CADPS: variants seen among roughly 807,000 people sequenced by gnomAD.
CADPS encodes the protein calcium-dependent secretion activator 1.
A neutral mutation model predicts 167.3 loss-of-function variants in CADPS; 57 were observed. The ratio of observed to expected loss-of-function variants is 0.34; its 90% CI spans 0.28 to 0.42. CADPS has a LOEUF of 0.42. CADPS is among the 20% of genes least tolerant of loss of function. The pLI, the probability that CADPS is intolerant of heterozygous loss-of-function variation, is 1.00. For synonymous variants in CADPS, 676 were observed against 635.3 expected (o/e 1.06, Z -0.96); for missense variants, 1,414 against 1,738.1 (o/e 0.81, Z 3.32).
intron 2 of CADPS, among the ~76,000 whole-genome samples, chr3:62,763,753 G>C (rs558370175): frequency 1.2e-4 from 19 of 152,288 alleles, no homozygotes; most frequent in African/African-American, 4.6e-4. Context: ...CCCTGGAAAA[G>C]TGAATCTAAG....
At chr3:62,649,006 C>T (rs1431135513) in intron 5 of CADPS, among the ~76,000 whole-genome samples, 1 of 152,194 alleles carries the variant, frequency 6.6e-6, no homozygotes, top group African/African-American at 2.4e-5. Flanking sequence ...TGAGTATCTC[C>T]ATCCAAACTT....
At chr3:62,819,381 G>A (rs965763186) in intron 1 of CADPS, among the ~76,000 whole-genome samples, 1 of 150,740 alleles carries the variant, frequency 6.6e-6, no homozygotes, top group African/African-American at 2.4e-5. Flanking sequence ...TTTGGGGTAA[G>A]GTTTAAAGCA....
chr3:62,547,588 C>T lies in CADPS; in HGVS notation c.1966+2315G>A, dbSNP rs113869286. 4.6e-4 allele frequency among the ~76,000 whole-genome samples: 28 copies of T among 60,730 alleles called. 3 individuals carry two copies. Among genetic ancestry groups the T allele is most frequent in the South Asian group, 4.3e-3 (5 of 1,160 alleles). The allele number at this position is 60,730 out of a possible 152,430, so 39.8% of individuals were successfully genotyped here. A position where few individuals can be genotyped will look rare whatever the true frequency, so the allele number is the denominator to read the frequency against. On this transcript the variant is annotated intron_variant, in intron 11 of 29. Transcript: ENST00000383710. ...TCCCTAGGGATGATATCATTTACGC[C>T]CCCCCCCCCCCGCAAATTCTAACTC...
chr3:62,845,054 A>T (rs2077192124), intron 1 of CADPS, among the ~76,000 whole-genome samples: 1 of 152,168 alleles, frequency 6.6e-6, no homozygotes, highest in Non-Finnish European at 1.5e-5. Context: ...TTTTAGCTCT[A>T]CCTTTAGCTC....
chr3:62,657,767 G>A (rs1054587287), intron 4 of CADPS, among the ~76,000 whole-genome samples: 2 of 152,144 alleles, frequency 1.3e-5, no homozygotes, highest in African/African-American at 2.4e-5. Context: ...ACACTGCAAG[G>A]TTGTGGGTAA....
chr3:62,498,341 T>C (rs1157478076), intron 18 of CADPS, among the ~76,000 whole-genome samples: 1 of 152,214 alleles, frequency 6.6e-6, no homozygotes, highest in Non-Finnish European at 1.5e-5. Flanking sequence ...TTAGGAAATG[T>C]CATTTTTCCC....
intron 1 of CADPS, among the ~76,000 whole-genome samples, chr3:62,799,966 G>T (rs1277134604): frequency 6.6e-6 from 1 of 152,142 alleles, no homozygotes; most frequent in Non-Finnish European, 1.5e-5. Context: ...TCCTGACTAG[G>T]ATAATAAGGA....
chr3:62,512,172 T>A (rs1400336820), intron 17 of CADPS, among the ~76,000 whole-genome samples: 1 of 152,136 alleles, frequency 6.6e-6, no homozygotes, highest in Non-Finnish European at 1.5e-5. Context: ...CAAAATAAGA[T>A]CAGAAGTTTT....
intron 1 of CADPS, chr3:62,796,535 C>T (rs1356187018): frequency 2.6e-5 from 4 of 152,124 alleles, no homozygotes; most frequent in African/African-American, 9.7e-5. Flanking sequence ...GAAGGAGTTA[C>T]ATAAGAAGAC....
rs2075660262 is a variant in CADPS at position 62,834,780 on chromosome 3, T to C, written c.441+39809A>G. ...TTTCCCTGGAGGCATCAAAATTGTA[T>C]TTAATTCTAGGTCCAGCCAAGTGAA... is the stretch of plus-strand genomic sequence containing the variant. On this transcript the variant is annotated intron_variant, in intron 1 of 29. Transcript: ENST00000383710. Among the ~76,000 whole-genome samples the C allele has an allele frequency of 2.0e-5, 3 of 152,326 alleles. No individual in the cohort carries two copies. The South Asian group carries it at 6.2e-4, about 32-fold the overall frequency.
chr3:62,857,386 T>G (rs1327404576), intron 1 of CADPS, among the ~76,000 whole-genome samples: 1 of 152,000 alleles, frequency 6.6e-6, no homozygotes, highest in Non-Finnish European at 1.5e-5. Context: ...ATTCTTAATA[T>G]TAAAGACACA....
intron 10 of CADPS, among the ~76,000 whole-genome samples, chr3:62,555,146 T>C (rs978356477): frequency 6.6e-6 from 1 of 152,190 alleles, no homozygotes; most frequent in African/African-American, 2.4e-5. Flanking sequence ...ACTTGGGGAA[T>C]AAATAGGACT....
At chr3:62,634,363 A>G (rs1411945573) in intron 6 of CADPS, among the ~76,000 whole-genome samples, 1 of 152,170 alleles carries the variant, frequency 6.6e-6, no homozygotes, top group Non-Finnish European at 1.5e-5. Context: ...TTAATGAACA[A>G]TTTTTACATG....
chr3:62,456,694 C>T (rs916417121), intron 26 of CADPS, among the ~76,000 whole-genome samples: 1 of 151,156 alleles, frequency 6.6e-6, no homozygotes, highest in Non-Finnish European at 1.5e-5. Flanking sequence ...TTGGGATATA[C>T]TCAGTGGTAT....
chr3:62,799,360 C>A (rs994267564), intron 1 of CADPS, among the ~76,000 whole-genome samples: 1 of 152,104 alleles, frequency 6.6e-6, no homozygotes, highest in Non-Finnish European at 1.5e-5. Flanking sequence ...AGGCAGACTA[C>A]CTAGATTCAA....
At chr3:62,768,241 AG>A (rs1465896951) in intron 1 of CADPS, among the ~76,000 whole-genome samples, 1 of 152,180 alleles carries the variant, frequency 6.6e-6, no homozygotes, top group African/African-American at 2.4e-5. Context: ...TATTTTAAGC[AG>A]GCCAGCTTTA....
chr3:62,459,425 C>T (rs1392831208), intron 26 of CADPS, among the ~76,000 whole-genome samples: 1 of 152,200 alleles, frequency 6.6e-6, no homozygotes, highest in Non-Finnish European at 1.5e-5. Flanking sequence ...TCTTTAACTC[C>T]ATGCCTGTCA....
At chr3:62,505,698 CAA>C (rs2066552125) in intron 17 of CADPS, among the ~76,000 whole-genome samples, 1 of 152,218 alleles carries the variant, frequency 6.6e-6, no homozygotes, top group South Asian at 2.1e-4. Context: ...TATGCCATAA[CAA>C]GAGAGTGCCA....
chr3:62,660,961 A>T (rs1409644962), intron 4 of CADPS, among the ~76,000 whole-genome samples: 1 of 152,166 alleles, frequency 6.6e-6, no homozygotes, highest in African/African-American at 2.4e-5. Context: ...AGCAGGTTCA[A>T]CCTGGACTTC....
Sources: allele counts gnomAD v4.1 joint callset (sites outside exome capture counted in the v4.1 genomes callset), GRCh38; gene constraint gnomAD v4.1.1; transcripts MANE v1.5; gene names NCBI Gene and HGNC (gene_info 2026-07-23, HGNC 2026-07-21).